Variants in SORCS3 observed in about 807,000 individuals in gnomAD.
SORCS3 encodes the protein VPS10 domain-containing receptor SorCS3.
SORCS3 carries 57 observed loss-of-function variants against 146.3 expected under a neutral mutation model. That is an observed-to-expected ratio of 0.39 (90% CI 0.31 to 0.49). The LOEUF is 0.49. SORCS3 is among the 20% of genes least tolerant of loss of function. The pLI is 0.92. For synonymous variants in SORCS3, 653 were observed against 618.5 expected, an observed-to-expected ratio of 1.06 and a Z score of -0.83; for missense variants, 1,341 against 1,575.5, an observed-to-expected ratio of 0.85 and a Z score of 2.52.
At chr10:104,751,806 C>T (rs2016986418) in intron 1 of SORCS3, among the ~76,000 whole-genome samples, 1 of 151,000 alleles carries the variant, frequency 6.6e-6, no homozygotes, top group African/African-American at 2.4e-5. Flanking sequence ...GAGGTGGCTC[C>T]TACCCAGAGA....
At chr10:104,708,802 C>A (rs1160618781) in intron 1 of SORCS3, among the ~76,000 whole-genome samples, 3 of 152,194 alleles carry the variant, frequency 2.0e-5, no homozygotes, top group Admixed American at 6.5e-5. Context: ...GCACTGGGTG[C>A]CTTTGCCAGC....
rs184766777 is a variant in SORCS3 at position 105,200,175 on chromosome 10, G to T, written c.2127+59G>T. ...GAGGAGGAGGAGCTAGTGCAAGTCC[G>T]ACTGGGTCTTATCTGAGCCTTCCTA... On this transcript the variant is annotated intron_variant, in intron 15 of 26. Transcript: ENST00000369701. The T allele has an allele frequency of 1.9e-4, 259 of 1,333,542 alleles. 3 individuals carry two copies. The Admixed American group carries it at 4.4e-3, about 22-fold the overall frequency. The allele number at this position is 1,333,542 out of a possible 1,614,324, so 82.6% of individuals were successfully genotyped here. A position where few individuals can be genotyped will look rare whatever the true frequency, so the allele number is the denominator to read the frequency against.
rs7913508 is a variant in SORCS3, at chr10:105,203,734, C to A, written c.2261+2481C>A. ...CAAAATAAAAATACATGACATCTACCGCATTGGGTCCTAAGGAAGAATAAA... is the reference window on the plus strand; with the variant it reads ...CAAAATAAAAATACATGACATCTACAGCATTGGGTCCTAAGGAAGAATAAA... On this transcript the variant is annotated intron_variant, in intron 16 of 26. Coordinates refer to ENST00000369701, the MANE Select transcript of SORCS3 (RefSeq NM_014978.3). Among the ~76,000 whole-genome samples the A allele has an allele frequency of 3.5e-3, 534 of 152,184 alleles. 6 individuals carry two copies. Among genetic ancestry groups the A allele is most frequent in the African/African-American group, 0.012 (502 of 41,506 alleles).
chr10:104,861,863 C>A (rs1046496768), intron 2 of SORCS3, among the ~76,000 whole-genome samples: 1 of 152,148 alleles, frequency 6.6e-6, no homozygotes, highest in African/African-American at 2.4e-5. Context: ...TCTGAGCATG[C>A]ATCTCCCCCA....
intron 7 of SORCS3, among the ~76,000 whole-genome samples, chr10:105,123,237 A>C (rs1379635249): frequency 6.6e-6 from 1 of 152,242 alleles, no homozygotes; most frequent in African/African-American, 2.4e-5. Context: ...AACTTAGAAC[A>C]GCATAGAAAG....
At chr10:104,900,543 C>T (rs922999686) in intron 2 of SORCS3, among the ~76,000 whole-genome samples, 1 of 152,128 alleles carries the variant, frequency 6.6e-6, no homozygotes, top group African/African-American at 2.4e-5. Flanking sequence ...ATGTAGGAGC[C>T]TCCACATAAT....
At chr10:105,037,460 G>A (rs703458) in intron 4 of SORCS3, among the ~76,000 whole-genome samples, 31,478 of 152,132 alleles carry the variant, frequency 0.21, 3,514 homozygotes, top group African/African-American at 0.29. Context: ...TCCCTGTGAA[G>A]CATTTAGGGG....
intron 11 of SORCS3, among the ~76,000 whole-genome samples, chr10:105,159,749 C>T (rs761855124): frequency 1.8e-4 from 28 of 152,182 alleles, no homozygotes; most frequent in Non-Finnish European, 3.8e-4. Context: ...GGAGCTGGTA[C>T]ATTCTGTTTT....
chr10:104,880,029 C>T (rs1475831996), intron 2 of SORCS3, among the ~76,000 whole-genome samples: 1 of 152,174 alleles, frequency 6.6e-6, no homozygotes, highest in East Asian at 1.9e-4. Context: ...GGACCCAATC[C>T]ACTTTGATTC....
intron 2 of SORCS3, among the ~76,000 whole-genome samples, chr10:104,848,251 T>G (rs1427061079): frequency 1.3e-5 from 2 of 152,180 alleles, no homozygotes; most frequent in Non-Finnish European, 2.9e-5. Flanking sequence ...ACTTTTCATC[T>G]GGTTCACAAG....
At chr10:105,004,484 G>T (rs2055082083) in intron 4 of SORCS3, among the ~76,000 whole-genome samples, 1 of 152,154 alleles carries the variant, frequency 6.6e-6, no homozygotes, top group Non-Finnish European at 1.5e-5. Flanking sequence ...GTACCGAACA[G>T]CTGAAGTCAA....
chr10:104,883,983 G>GGC (rs1013871471), intron 2 of SORCS3, among the ~76,000 whole-genome samples: 16 of 151,492 alleles, frequency 1.1e-4, no homozygotes, highest in African/African-American at 3.4e-4. Flanking sequence ...AATGAGGGGG[G>GGC]GGAAAGGGTC....
intron 1 of SORCS3, among the ~76,000 whole-genome samples, chr10:104,837,507 C>CT (rs369619040): frequency 3.3e-4 from 51 of 152,250 alleles, no homozygotes; most frequent in African/African-American, 1.0e-3. Context: ...CTCCTGCTGT[C>CT]TAAAATCCCC....
At chr10:105,055,954 T>C (rs2055443085) in intron 5 of SORCS3, among the ~76,000 whole-genome samples, 1 of 152,196 alleles carries the variant, frequency 6.6e-6, no homozygotes, top group African/African-American at 2.4e-5. Context: ...AGACAAATTC[T>C]TGCATGTCTC....
At chr10:104,883,332 A>G (rs990581603) in intron 2 of SORCS3, among the ~76,000 whole-genome samples, 4 of 152,232 alleles carry the variant, frequency 2.6e-5, no homozygotes, top group African/African-American at 9.6e-5. Flanking sequence ...TCATTTTCTT[A>G]GAGACACATG....
At chr10:105,256,608 A>T (rs1469889749) in intron 24 of SORCS3, among the ~76,000 whole-genome samples, 1 of 152,220 alleles carries the variant, frequency 6.6e-6, no homozygotes, top group Non-Finnish European at 1.5e-5. Flanking sequence ...CAGGCTGAAC[A>T]GAGAAGTTTA....
intron 2 of SORCS3, among the ~76,000 whole-genome samples, chr10:104,845,283 C>T (rs986714648): frequency 1.3e-5 from 2 of 152,156 alleles, no homozygotes; most frequent in Admixed American, 1.3e-4. Flanking sequence ...TCTTCCCACA[C>T]CCACTCACAT....
At chr10:104,661,876 G>A (rs900003597) in intron 1 of SORCS3, among the ~76,000 whole-genome samples, 1 of 152,112 alleles carries the variant, frequency 6.6e-6, no homozygotes, top group Non-Finnish European at 1.5e-5. Flanking sequence ...GTGGAAGGAT[G>A]GAAATCCAAA....
chr10:104,921,548 T>C (rs1038307292), intron 3 of SORCS3, among the ~76,000 whole-genome samples: 3 of 151,484 alleles, frequency 2.0e-5, no homozygotes, highest in Admixed American at 6.6e-5. Context: ...ATGAAAACTA[T>C]AAGGTCTGAC....
Sources: gnomAD v4.1 joint callset for allele counts (sites outside exome capture counted in the v4.1 genomes callset) on GRCh38, gnomAD v4.1.1 for gene constraint, MANE v1.5 for transcripts, NCBI Gene and HGNC (gene_info 2026-07-23, HGNC 2026-07-21) for gene names.